ANKRD28: variants seen among roughly 807,000 people sequenced by gnomAD.
ANKRD28 encodes the protein ankyrin repeat domain 28.
ANKRD28 carries 44 observed loss-of-function variants against 126.5 expected under a neutral mutation model. The observed-to-expected ratio is 0.35, with a 90% confidence interval of 0.27 to 0.45. The LOEUF (loss-of-function observed/expected upper bound fraction) is 0.45, where lower values mean the gene tolerates loss of function less well. Ranked by LOEUF, ANKRD28 falls within the 20% of genes least tolerant of loss-of-function variation. The pLI is 1.00. For synonymous variants in ANKRD28, 442 were observed against 468.5 expected (o/e 0.94, Z 0.73); for missense variants, 1,110 against 1,316.6 (o/e 0.84, Z 2.43).
rs1559436859 is a variant in ANKRD28 at position 15,737,083 on chromosome 3, G to C, written c.502C>G (p.Arg168Gly). The C allele has an allele frequency of 6.2e-7, 1 of 1,613,908 alleles. No homozygotes were observed. The highest frequency in any genetic ancestry group is 8.5e-7 in the Non-Finnish European group (1 of 1,179,882). Residue 168 changes from arginine (R) to glycine (G), a missense_variant, in exon 5 of 28, where the codon CGA becomes GGA. By Grantham distance (125) the Arg-to-Gly change is moderately radical. Coordinates refer to ENST00000683139, the MANE Select transcript of ANKRD28 (RefSeq NM_001349278.2). The stretch of plus-strand genomic sequence containing the variant: ...TGATGTAATGCAGTCCTCCCTGCTC[G>C]ATCAGATACGTTTACATTACTCAGA... Reference protein sequence around the residue: ...PLLSNVNVSDRAGRTALHHAA... With the variant: ...PLLSNVNVSDGAGRTALHHAA...
intron 1 of ANKRD28, among the ~76,000 whole-genome samples, chr3:15,840,916 G>A (rs376713126): frequency 4.6e-5 from 7 of 152,130 alleles, no homozygotes; most frequent in African/African-American, 1.2e-4. Context: ...CGAGGTGGGC[G>A]GATCACTTGA....
intron 1 of ANKRD28, among the ~76,000 whole-genome samples, chr3:15,848,675 TAA>T (rs112915787): frequency 7.0e-6 from 1 of 142,548 alleles, no homozygotes; most frequent in Non-Finnish European, 1.5e-5. Flanking sequence ...GACCTTAACT[TAA>T]AAAAAAAAAA....
chr3:15,802,839 C>T (rs9813306), upstream of ANKRD28, among the ~76,000 whole-genome samples: 14,547 of 152,142 alleles, frequency 0.096, 2,121 homozygotes, highest in African/African-American at 0.31. Context: ...ACCTAGTATA[C>T]ATTCATCTAC....
rs1179644586 is a variant in ANKRD28, at chr3:15,843,773, A to G, written c.27+15604T>C. Reference sequence around the variant, plus strand: ...TAGGCCAGTTTGAGCCAAAAATAATAAAAAAAAAAAAGAGGCAGAAATCAA... The same window carrying G: ...TAGGCCAGTTTGAGCCAAAAATAATGAAAAAAAAAAAGAGGCAGAAATCAA... On this transcript the variant is annotated intron_variant, in intron 1 of 27. Transcript: ENST00000399451. This position sits in a 1 kb window ranked among gnomAD's most constrained non-coding sequence, Gnocchi z 5.2. 2.0e-4 allele frequency among the ~76,000 whole-genome samples: 3 copies of G among 15,020 alleles called. No individual in the cohort carries two copies. Among genetic ancestry groups the G allele is most frequent in the Non-Finnish European group, 5.3e-4 (3 of 5,640 alleles). 9.9% of individuals were successfully genotyped at this position (15,020 alleles called of 152,430 possible). A position where few individuals can be genotyped will look rare whatever the true frequency, so the allele number is the denominator to read the frequency against.
At chr3:15,754,834 C>T (rs888075480) in intron 3 of ANKRD28, among the ~76,000 whole-genome samples, 1 of 152,038 alleles carries the variant, frequency 6.6e-6, no homozygotes, top group African/African-American at 2.4e-5. Flanking sequence ...ATGTATATAT[C>T]GGCCGGGTGC....
At chr3:15,674,557 G>A (rs1270371213) in intron 27 of ANKRD28, among the ~76,000 whole-genome samples, 1 of 152,142 alleles carries the variant, frequency 6.6e-6, no homozygotes, top group Non-Finnish European at 1.5e-5. Flanking sequence ...TAGGCACGTG[G>A]ATATATAGAG....
chr3:15,803,394 G>A (rs138737574), intron 1 of ANKRD28, among the ~76,000 whole-genome samples: 13 of 152,124 alleles, frequency 8.5e-5, no homozygotes, highest in East Asian at 3.9e-4. Flanking sequence ...CAACGTGGGC[G>A]GATCATGAGG....
rs759729140 is a variant in ANKRD28, at chr3:15,670,309, G to A, written c.3213C>T (p.Asp1071=). 67 of 1,611,940 alleles carry A rather than the reference G, an allele frequency of 4.2e-5. No individual in the cohort carries two copies. Among genetic ancestry groups the A allele is most frequent in the East Asian group, 2.0e-4 (9 of 44,738 alleles). Residue 1071 remains aspartate, a synonymous_variant, in exon 28 of 28, where the codon GAC becomes GAT. Transcript: ENST00000683139. ...IGGEQEYLYT[D]VDELNDSDSE... ...AATCGGAGTCGTTGAGCTCATCCAC[G>A]TCAGTGTATAAGTACTCCTGTTCCC...
intron 1 of ANKRD28, among the ~76,000 whole-genome samples, chr3:15,807,210 G>A (rs759071011): frequency 5.9e-5 from 9 of 152,172 alleles, no homozygotes; most frequent in Non-Finnish European, 1.0e-4. Context: ...TTTCAGGTAT[G>A]AGGAAGACTC....
Position 15,815,485 on chromosome 3 carries a change from A to G in ANKRD28, c.28-20179T>C, listed in dbSNP as rs2060813931. Among the ~76,000 whole-genome samples, 1 of 152,014 alleles carries G rather than the reference A, an allele frequency of 6.6e-6. No individual in the cohort carries two copies. The highest frequency in any genetic ancestry group is 6.6e-5 in the Admixed American group (1 of 15,258). ...TTAATTTTTTAATTTGTTTGTAGAG[A>G]TGGGGTCTCATTATGTTGCCTAGGC... On this transcript the variant is annotated intron_variant, in intron 1 of 27. Transcript: ENST00000399451. The surrounding 1 kb of genome is among the most constrained non-coding windows in gnomAD (Gnocchi z 4.1).
At chr3:15,824,462 T>TA (rs995530724) in intron 1 of ANKRD28, among the ~76,000 whole-genome samples, 9 of 151,872 alleles carry the variant, frequency 5.9e-5, no homozygotes, top group Admixed American at 2.0e-4. Flanking sequence ...GGCCAAGAAT[T>TA]AAAAAAAACA....
At chr3:15,715,996 T>C (rs532197387) in intron 8 of ANKRD28, among the ~76,000 whole-genome samples, 35 of 148,810 alleles carry the variant, frequency 2.4e-4, no homozygotes, top group African/African-American at 7.6e-4. Context: ...TTTTCTCTCT[T>C]TTTTTTTTTT....
chr3:15,724,758 C>A (rs1358763740), intron 6 of ANKRD28, among the ~76,000 whole-genome samples: 1 of 152,016 alleles, frequency 6.6e-6, no homozygotes, highest in Admixed American at 6.6e-5. Context: ...GTGGGAGGAT[C>A]ACTTGAGCCC....
At chr3:15,693,726 G>C (rs752138071) in intron 17 of ANKRD28, among the ~76,000 whole-genome samples, 1 of 152,114 alleles carries the variant, frequency 6.6e-6, no homozygotes, top group Non-Finnish European at 1.5e-5. Context: ...GCATGTCTGG[G>C]AGAGGTGATG....
Position 15,830,260 on chromosome 3 carries a change from G to A in ANKRD28, c.27+29117C>T, listed in dbSNP as rs191864337. The stretch of plus-strand genomic sequence containing the variant: ...ATTATGATAACAGTTTTGACTTTAG[G>A]GACTCCCAGGGGTTCATGGACCACA... On this transcript the variant is annotated intron_variant, in intron 1 of 27. Coordinates refer to the ANKRD28 transcript ENST00000399451. This position sits in a 1 kb window ranked among gnomAD's most constrained non-coding sequence, Gnocchi z 4.5. Among the ~76,000 whole-genome samples, 91 of 152,200 alleles carry A rather than the reference G, an allele frequency of 6.0e-4. No homozygotes were observed. Among genetic ancestry groups the A allele is most frequent in the African/African-American group, 2.1e-3 (88 of 41,518 alleles).
chr3:15,858,644 C>G (rs1440235426), intron 1 of ANKRD28, among the ~76,000 whole-genome samples: 1 of 152,134 alleles, frequency 6.6e-6, no homozygotes, highest in East Asian at 1.9e-4. Context: ...ATTAATTTTC[C>G]TTTTCCTTAA....
At chr3:15,699,500 A>C (rs1174699567) in intron 14 of ANKRD28, among the ~76,000 whole-genome samples, 1 of 152,220 alleles carries the variant, frequency 6.6e-6, no homozygotes, top group Non-Finnish European at 1.5e-5. Flanking sequence ...CCATCTGACA[A>C]AGGGCTAATA....
At chr3:15,788,627 T>A (rs1226409162) in intron 2 of ANKRD28, among the ~76,000 whole-genome samples, 1 of 152,150 alleles carries the variant, frequency 6.6e-6, no homozygotes, top group Non-Finnish European at 1.5e-5. Flanking sequence ...TTGTAGAAAA[T>A]AATTTTCTTA....
intron 2 of ANKRD28, among the ~76,000 whole-genome samples, chr3:15,792,008 A>C (rs113866098): frequency 4.6e-5 from 7 of 152,290 alleles, no homozygotes; most frequent in African/African-American, 1.7e-4. Flanking sequence ...TAATCATCAG[A>C]TATCCAAAAC....
Sources: allele counts gnomAD v4.1 joint callset (sites outside exome capture counted in the v4.1 genomes callset), GRCh38; gene constraint gnomAD v4.1.1; non-coding constraint Gnocchi (gnomAD v3.1); transcripts MANE v1.5; gene names NCBI Gene and HGNC (gene_info 2026-07-23, HGNC 2026-07-21).